Variants in GHRHR observed in about 807,000 individuals in gnomAD.
GHRHR encodes growth hormone releasing hormone receptor.
Under a neutral mutation model 58.3 loss-of-function variants are expected in GHRHR, and 40 were observed. That is an observed-to-expected ratio of 0.69 (90% CI 0.53 to 0.89). The LOEUF is 0.89. Among genes scored for constraint, GHRHR ranks in the 40% least tolerant of loss-of-function variants. The pLI, the probability that GHRHR is intolerant of heterozygous loss-of-function variation, is 0.00. For missense variants in GHRHR, 551 were observed against 541.3 expected, an observed-to-expected ratio of 1.02 and a Z score of -0.18; for synonymous variants, 249 against 216.6, an observed-to-expected ratio of 1.15 and a Z score of -1.31.
chr7:30,979,156 A>G lies in GHRHR; in HGVS notation c.1184A>G (p.Asp395Gly). The change falls in exon 13 of 13, where the codon GAC (aspartate) becomes GGC (glycine). Residue 395 changes from aspartate to glycine, a missense_variant. Asp to Gly is a moderately conservative substitution (Grantham distance 94, BLOSUM62 -1). Coordinates refer to ENST00000326139, the MANE Select transcript of GHRHR (RefSeq NM_000823.4). ...ATCTCACGGAAGTGGCATGGCCATGACCCTGAGCTTCTGCCAGCCTGGAGG... is the reference window on the plus strand; with the variant it reads ...ATCTCACGGAAGTGGCATGGCCATGGCCCTGAGCTTCTGCCAGCCTGGAGG... ...TEISRKWHGH[D>G]PELLPAWRTR... The G allele has an allele frequency of 6.2e-7, 1 of 1,613,558 alleles. No individual in the cohort carries two copies. The highest frequency in any genetic ancestry group is 8.5e-7 in the Non-Finnish European group (1 of 1,179,512).
rs1252146813 is a variant in GHRHR, at chr7:30,977,307, C to T, written c.1131C>T (p.Cys377=). The T allele has an allele frequency of 6.2e-7, 1 of 1,614,056 alleles. No homozygotes were observed. Among genetic ancestry groups the T allele is most frequent in the South Asian group, 1.1e-5 (1 of 91,072 alleles). Residue 377 remains cysteine, a synonymous_variant, in exon 12 of 13, where the codon TGC becomes TGT. Transcript: ENST00000326139. The part of the protein sequence containing the change: ...FQGFIVAILY[C]FLNQEVRTEI... ...GCTTCATTGTTGCCATCCTCTACTG[C>T]TTCCTCAACCAAGAGGTGTGTGATT...
chr7:30,978,548 A>G (rs1792629711), intron 12 of GHRHR, among the ~76,000 whole-genome samples: 1 of 152,194 alleles, frequency 6.6e-6, no homozygotes, highest in Admixed American at 6.5e-5. Context: ...TGCATGAGGC[A>G]CATTCTCTCA....
At position 30,975,810 on chromosome 7, in the gene GHRHR, A is replaced by T. The variant is rs985861214; in HGVS notation, c.916A>T (p.Ile306Phe). The T allele has an allele frequency of 5.0e-6, 8 of 1,612,192 alleles. No individual in the cohort carries two copies. The highest frequency in any genetic ancestry group is 1.1e-5 in the South Asian group (1 of 91,024). ...NFGLFLNIIR[I>F]LVRKLEPAQG... is the part of the protein sequence containing the mutation. ...TGGGCTTTTTCTCAATATTATCCGCATCCTGGTGAGGAAACTGGAGCCAGC... is the reference window on the plus strand; with the variant it reads ...TGGGCTTTTTCTCAATATTATCCGCTTCCTGGTGAGGAAACTGGAGCCAGC... The change falls in exon 10 of 13, where the codon ATC (isoleucine) becomes TTC (phenylalanine). Residue 306 changes from isoleucine (I) to phenylalanine (F), a missense_variant. By Grantham distance (21) the Ile-to-Phe change is conservative (BLOSUM62 0). Transcript: ENST00000326139.
At chr7:30,978,239 C>T (rs1294168465) in intron 12 of GHRHR, among the ~76,000 whole-genome samples, 2 of 152,210 alleles carry the variant, frequency 1.3e-5, no homozygotes, top group Non-Finnish European at 2.9e-5. Flanking sequence ...AAGTCCCATG[C>T]AGCCTTATCT....
intron 1 of GHRHR, among the ~76,000 whole-genome samples, chr7:30,967,828 T>A (rs768733572): frequency 6.6e-6 from 1 of 152,214 alleles, no homozygotes; most frequent in Non-Finnish European, 1.5e-5. Flanking sequence ...GCTCATGTGT[T>A]CCTGCCTGTG....
chr7:30,964,639 G>C (rs965989097), intron 1 of GHRHR, among the ~76,000 whole-genome samples: 9 of 152,196 alleles, frequency 5.9e-5, no homozygotes, highest in African/African-American at 2.2e-4. Context: ...GGTGTGGCCA[G>C]GGAAGGAATG....
chr7:30,977,296 A>G lies in GHRHR; in HGVS notation c.1120A>G (p.Ile374Val). Residue 374 changes from isoleucine (I) to valine (V), a missense_variant, in exon 12 of 13, where the codon ATC (isoleucine) becomes GTC (valine). Coordinates refer to ENST00000326139, the MANE Select transcript of GHRHR (RefSeq NM_000823.4). ...LGSFQGFIVA[I>V]LYCFLNQEVR... ...GGACCCACAGGGCTTCATTGTTGCC[A>G]TCCTCTACTGCTTCCTCAACCAAGA... The G allele has an allele frequency of 6.2e-7, 1 of 1,614,100 alleles. No individual in the cohort carries two copies. The highest frequency in any genetic ancestry group is 8.5e-7 in the Non-Finnish European group (1 of 1,180,002).
chr7:30,964,192 A>G, intron 1 of GHRHR, 67 bp downstream of exon 1: 3 of 1,385,806 alleles, frequency 2.2e-6, no homozygotes, highest in Non-Finnish European at 3.0e-6. Context: ...CACAGGGCCA[A>G]CTGGAGCCTG....
intron 9 of GHRHR, 132 bp from the exon 10 acceptor site, chr7:30,975,645 T>G: frequency 8.8e-6 from 6 of 684,486 alleles, no homozygotes; most frequent in African/African-American, 1.8e-5. Context: ...GATCTGTGCA[T>G]TCATTCACCT....
Position 30,979,274 on chromosome 7 carries a change from C to CT in GHRHR, c.*32dup, listed in dbSNP as rs1792646636. On this transcript the variant is annotated 3_prime_UTR_variant, in exon 13 of 13. Transcript: ENST00000326139. ...CCTCATCACGCCACTGGAGTCCACACTTGAATTTGGGCAGCTACCACGGGT... is the reference window on the plus strand; with the variant it reads ...CCTCATCACGCCACTGGAGTCCACACTTTGAATTTGGGCAGCTACCACGGGT... 2 of 1,610,630 alleles carry CT rather than the reference C, an allele frequency of 1.2e-6. No individual in the cohort carries two copies. Among genetic ancestry groups the CT allele is most frequent in the Admixed American group, 3.3e-5 (2 of 59,946 alleles).
chr7:30,976,287 G>C, intron 10 of GHRHR, 142 bp from the exon 11 acceptor site: 2 of 758,670 alleles, frequency 2.6e-6, no homozygotes, highest in Non-Finnish European at 4.7e-6. Context: ...AAAGCCCAGA[G>C]TGATTGTGGG....
chr7:30,979,490 A>G lies in GHRHR; in HGVS notation c.*246A>G. 1 of 482,592 alleles carries G rather than the reference A, an allele frequency of 2.1e-6. No individual in the cohort carries two copies. The highest frequency in any genetic ancestry group is 3.2e-5 in the Admixed American group (1 of 31,140). 29.9% of individuals were successfully genotyped at this position (482,592 alleles called of 1,614,324 possible). A position where few individuals can be genotyped will look rare whatever the true frequency, so the allele number is the denominator to read the frequency against. On this transcript the variant is annotated 3_prime_UTR_variant, in exon 13 of 13. Transcript: ENST00000326139. ...TCCTCTTACTGGGGCCTGGGGCTCT[A>G]GCCCAAGGCTCAGAGGAGCCAATAA... is the stretch of plus-strand genomic sequence containing the variant.
At position 30,975,851 on chromosome 7, in the gene GHRHR, T is replaced by C; in HGVS notation, c.957T>C (p.His319=). Residue 319 remains histidine (H), a synonymous_variant, in exon 10 of 13, where the codon CAT becomes CAC. Transcript: ENST00000326139. ...RKLEPAQGSL[H]TQSQYWRLSK... The stretch of plus-strand genomic sequence containing the variant: ...TGGAGCCAGCTCAGGGCAGCCTCCA[T>C]ACCCAGTCTCAGTATTGGTACTGTG... 5 of 1,598,580 alleles carry C rather than the reference T, an allele frequency of 3.1e-6. No individual in the cohort carries two copies. Among genetic ancestry groups the C allele is most frequent in the Non-Finnish European group, 4.3e-6 (5 of 1,165,778 alleles).
rs1792586810 is a variant in GHRHR, at chr7:30,976,434, T to A, written c.980T>A (p.Leu327His). ...SLHTQSQYWR[L>H]SKSTLFLIPL... ...AGGATTTGTCTTTCCTGCAGGCGTC[T>A]CTCCAAGTCGACACTTTTCCTGATC... Residue 327 changes from leucine (L) to histidine (H), a missense_variant, in exon 11 of 13, where the codon CTC becomes CAC. By Grantham distance (99) the Leu-to-His change is moderately conservative. Transcript: ENST00000326139. 2 of 1,613,468 alleles carry A rather than the reference T, an allele frequency of 1.2e-6. No homozygotes were observed. The highest frequency in any genetic ancestry group is 1.7e-5 in the Admixed American group (1 of 60,006).
intron 5 of GHRHR, 75 bp from the exon 6 acceptor site, chr7:30,971,888 T>C: frequency 7.3e-7 from 1 of 1,376,128 alleles, no homozygotes; most frequent in South Asian, 1.2e-5. Flanking sequence ...CCTGCCCTGT[T>C]CAGCCCAGTT....
Position 30,979,158 on chromosome 7 carries a change from C to G in GHRHR, c.1186C>G (p.Pro396Ala). 1 of 1,613,722 alleles carries G rather than the reference C, an allele frequency of 6.2e-7. No homozygotes were observed. The highest frequency in any genetic ancestry group is 8.5e-7 in the Non-Finnish European group (1 of 1,179,610). ...CTCACGGAAGTGGCATGGCCATGAC[C>G]CTGAGCTTCTGCCAGCCTGGAGGAC... ...EISRKWHGHD[P>A]ELLPAWRTRA... The change falls in exon 13 of 13, where the codon CCT (proline) becomes GCT (alanine). Residue 396 changes from proline (P) to alanine (A), a missense_variant. Coordinates refer to ENST00000326139, the MANE Select transcript of GHRHR (RefSeq NM_000823.4).
At position 30,976,548 on chromosome 7, in the gene GHRHR, G is replaced by T; in HGVS notation, c.1094G>T (p.Gly365Val). Residue 365 changes from glycine to valine, a missense_variant, in exon 11 of 13, where the codon GGT (glycine) becomes GTT (valine). Transcript: ENST00000326139. ...GIRLPLELGL[G>V]SFQGFIVAIL... ...CGCCTCCCCCTGGAGCTGGGACTGGGTTCCTTCCAGGTGAGGGCCCCCACA... is the reference window on the plus strand; with the variant it reads ...CGCCTCCCCCTGGAGCTGGGACTGGTTTCCTTCCAGGTGAGGGCCCCCACA... 1 of 1,613,390 alleles carries T rather than the reference G, an allele frequency of 6.2e-7. No individual in the cohort carries two copies. Among genetic ancestry groups the T allele is most frequent in the Non-Finnish European group, 8.5e-7 (1 of 1,179,674 alleles).
At chr7:30,968,975 C>G in intron 2 of GHRHR, 39 bp downstream of exon 2, 1 of 1,559,694 alleles carries the variant, frequency 6.4e-7, no homozygotes, top group Non-Finnish European at 8.8e-7. Flanking sequence ...TTCTCTGATT[C>G]CTTTATATCC....
At chr7:30,966,897 C>T (rs1486796786) in intron 1 of GHRHR, among the ~76,000 whole-genome samples, 1 of 152,184 alleles carries the variant, frequency 6.6e-6, no homozygotes, top group Middle Eastern at 3.2e-3. Context: ...CTACCTTGGC[C>T]TCCCAAAGTG....
Sources: allele counts gnomAD v4.1 joint callset (sites outside exome capture counted in the v4.1 genomes callset), GRCh38; gene constraint gnomAD v4.1.1; transcripts MANE v1.5; gene names NCBI Gene and HGNC (gene_info 2026-07-23, HGNC 2026-07-21).